CUL3: variants seen among roughly 807,000 people sequenced by gnomAD.
The protein encoded by CUL3 is cullin-3.
Under a neutral mutation model 89.1 loss-of-function variants are expected in CUL3, and 19 were observed. The observed-to-expected ratio is 0.21, with a 90% CI of 0.15 to 0.31. The LOEUF is 0.31. CUL3 is among the 10% of genes least tolerant of loss of function. The probability of loss-of-function intolerance (pLI) is 1.00; values close to 1 mark genes in which losing one functional copy is unlikely to be tolerated. For synonymous variants in CUL3, 351 were observed against 308.4 expected, an observed-to-expected ratio of 1.14 and a Z score of -1.45; for missense variants, 469 against 942.3, an observed-to-expected ratio of 0.50 and a Z score of 6.58.
intron 3 of CUL3, among the ~76,000 whole-genome samples, chr2:224,523,453 C>T (rs1693344964): frequency 6.6e-6 from 1 of 151,138 alleles, no homozygotes; most frequent in African/African-American, 2.4e-5. Flanking sequence ...TTAGAGCTCT[C>T]GTGCACTGTT....
intron 4 of CUL3, among the ~76,000 whole-genome samples, chr2:224,514,144 G>T (rs2106222361): frequency 6.6e-6 from 1 of 152,266 alleles, no homozygotes; most frequent in African/African-American, 2.4e-5. Context: ...TTTAGCTGCA[G>T]CATCACCAAA....
At chr2:224,551,504 C>T (rs986537267) in intron 2 of CUL3, among the ~76,000 whole-genome samples, 5 of 149,974 alleles carry the variant, frequency 3.3e-5, no homozygotes, top group Admixed American at 1.3e-4. Context: ...CACGCCTGGT[C>T]AATTTTTTTT....
intron 3 of CUL3, among the ~76,000 whole-genome samples, chr2:224,524,788 C>CACAAA (rs1693404923): frequency 6.6e-6 from 1 of 152,036 alleles, no homozygotes; most frequent in Admixed American, 6.6e-5. Context: ...CCGTTTCCCC[C>CACAAA]ACAAAACAAA....
chr2:224,507,682 A>G (rs987724812), intron 6 of CUL3, among the ~76,000 whole-genome samples: 2 of 152,124 alleles, frequency 1.3e-5, no homozygotes, highest in African/African-American at 4.8e-5. Flanking sequence ...CTATCTCACT[A>G]TACTTTTTAA....
In CUL3 at chr2:224,570,034, A is replaced by G. The variant is rs562399256; in HGVS notation, c.67-12178T>C. ...TATTTTTTAAATCTGATACAACTAA[A>G]CTATTAATTACATAAGGAAGCTCCC... On this transcript the variant is annotated intron_variant, in intron 1 of 15. Transcript: ENST00000264414. Among the ~76,000 whole-genome samples the G allele has an allele frequency of 2.9e-4, 44 of 151,806 alleles. 1 individual carries two copies. The highest frequency in any genetic ancestry group is 3.9e-4 in the Admixed American group (6 of 15,252).
intron 14 of CUL3, 35 bp from the exon 15 acceptor site, chr2:224,478,380 A>T: frequency 1.3e-6 from 2 of 1,579,784 alleles, no homozygotes; most frequent in Non-Finnish European, 1.7e-6. Context: ...TCATAAATCT[A>T]ATTTTAAAAT....
chr2:224,484,429 C>A lies in CUL3; in HGVS notation c.1843-2351G>T, dbSNP rs1269526863. Among the ~76,000 whole-genome samples, 10 of 152,142 alleles carry A rather than the reference C, an allele frequency of 6.6e-5. No homozygotes were observed. The East Asian group carries it at 1.9e-3, about 29-fold the overall frequency. ...TATGCTTTCTCTATCTATATTCCTT[C>A]ATGTTTTTATACTCAATTGTTTGCC... On this transcript the variant is annotated intron_variant, in intron 13 of 15. Coordinates refer to ENST00000264414, the MANE Select transcript of CUL3 (RefSeq NM_003590.5).
intron 2 of CUL3, among the ~76,000 whole-genome samples, chr2:224,555,220 TATC>T (rs948100300): frequency 6.6e-6 from 1 of 152,196 alleles, no homozygotes; most frequent in Admixed American, 6.5e-5. Context: ...AAACAAAACT[TATC>T]ATATTCTCTA....
At chr2:224,490,290 A>G (rs896883992) in intron 13 of CUL3, among the ~76,000 whole-genome samples, 13 of 152,318 alleles carry the variant, frequency 8.5e-5, no homozygotes, top group African/African-American at 2.9e-4. Flanking sequence ...TGATATGCAG[A>G]AATAACGGCA....
intron 15 of CUL3, among the ~76,000 whole-genome samples, chr2:224,476,843 C>T (rs1395593373): frequency 6.6e-6 from 1 of 152,062 alleles, no homozygotes; most frequent in Non-Finnish European, 1.5e-5. Flanking sequence ...GGGGAAAAAG[C>T]CCAAACCCTT....
At chr2:224,541,927 G>C (rs1388446373) in intron 2 of CUL3, among the ~76,000 whole-genome samples, 2 of 152,130 alleles carry the variant, frequency 1.3e-5, no homozygotes, top group Admixed American at 1.3e-4. Context: ...GGATAACAGA[G>C]GGAGTTTACT....
chr2:224,549,853 T>C (rs1694443304), intron 2 of CUL3, among the ~76,000 whole-genome samples: 1 of 151,864 alleles, frequency 6.6e-6, no homozygotes, highest in Non-Finnish European at 1.5e-5. Flanking sequence ...CATATACACA[T>C]ATATGCGTGC....
At chr2:224,568,214 A>G (rs1249659898) in intron 1 of CUL3, among the ~76,000 whole-genome samples, 1 of 151,128 alleles carries the variant, frequency 6.6e-6, no homozygotes, top group Non-Finnish European at 1.5e-5. Context: ...GTGATATTTT[A>G]TAGTGTAAAC....
At position 224,474,515 on chromosome 2, in the gene CUL3, A is replaced by G. The variant is rs923622726; in HGVS notation, c.2176-139T>C. On this transcript the variant is annotated intron_variant, in intron 15 of 15. Transcript: ENST00000264414. ...CAAAGATAAAAGCACAGAAACTTTA[A>G]AAAGGTTCTGTTTGAAAATGTAATA... is the stretch of plus-strand genomic sequence containing the variant. 7.4e-6 allele frequency: 5 copies of G among 675,162 alleles called. No individual in the cohort carries two copies. In the Admixed American group the frequency reaches 1.5e-4, roughly 20 times the overall value. 41.8% of individuals were successfully genotyped at this position (675,162 alleles called of 1,614,324 possible).
At chr2:224,534,283 T>C (rs535835192) in intron 3 of CUL3, among the ~76,000 whole-genome samples, 20 of 152,290 alleles carry the variant, frequency 1.3e-4, no homozygotes, top group African/African-American at 4.8e-4. Context: ...ACAGGATTTT[T>C]TTCTTGACTG....
At chr2:224,506,353 A>G (rs1692600541) in intron 7 of CUL3, among the ~76,000 whole-genome samples, 1 of 152,186 alleles carries the variant, frequency 6.6e-6, no homozygotes, top group African/African-American at 2.4e-5. Context: ...AATACAATGC[A>G]AACGAACCAA....
At chr2:224,539,105 T>C (rs1434530682) in intron 2 of CUL3, among the ~76,000 whole-genome samples, 1 of 152,154 alleles carries the variant, frequency 6.6e-6, no homozygotes, top group Non-Finnish European at 1.5e-5. Flanking sequence ...ATCCAAAATA[T>C]ATAAAGAATT....
intron 3 of CUL3, among the ~76,000 whole-genome samples, chr2:224,515,479 A>G (rs1189919819): frequency 1.3e-5 from 2 of 152,212 alleles, no homozygotes; most frequent in Non-Finnish European, 2.9e-5. Context: ...TTCTCGTCTC[A>G]GCAAGGATCT....
intron 12 of CUL3, 77 bp downstream of exon 12, chr2:224,497,676 A>G: frequency 9.4e-7 from 1 of 1,059,754 alleles, no homozygotes; most frequent in Non-Finnish European, 1.4e-6. Context: ...TAATTTACCC[A>G]GGTCAACATA....
Sources: allele counts gnomAD v4.1 joint callset (sites outside exome capture counted in the v4.1 genomes callset), GRCh38; gene constraint gnomAD v4.1.1; transcripts MANE v1.5; gene names NCBI Gene and HGNC (gene_info 2026-07-23, HGNC 2026-07-21).